CERT1: variants seen among roughly 807,000 people sequenced by gnomAD.
CERT1 encodes the protein ceramide transfer protein.
Under a neutral mutation model 87.9 loss-of-function variants are expected in CERT1, and 31 were observed. That is an observed-to-expected ratio of 0.35 (90% CI 0.27 to 0.48). The LOEUF (loss-of-function observed/expected upper bound fraction) is 0.48. CERT1 is among the 20% of genes least tolerant of loss of function. The pLI, the probability that CERT1 is intolerant of heterozygous loss-of-function variation, is 0.99. For missense variants in CERT1, 487 were observed against 758.0 expected, an observed-to-expected ratio of 0.64 and a Z score of 4.20; for synonymous variants, 289 against 250.9, an observed-to-expected ratio of 1.15 and a Z score of -1.44.
intron 11 of CERT1, among the ~76,000 whole-genome samples, chr5:75,393,760 TAG>T (rs953620986): frequency 6.6e-6 from 1 of 151,196 alleles, no homozygotes; most frequent in African/African-American, 2.4e-5. Flanking sequence ...GGTCAAGAGA[TAG>T]AGACCATCCC....
chr5:75,438,334 AT>A (rs1351565942), intron 3 of CERT1, among the ~76,000 whole-genome samples: 1 of 152,210 alleles, frequency 6.6e-6, no homozygotes, highest in Non-Finnish European at 1.5e-5. Flanking sequence ...TTCTCAAGAT[AT>A]CCACTTTGAA....
chr5:75,409,419 G>GA (rs1198899044), intron 8 of CERT1, among the ~76,000 whole-genome samples: 2 of 152,166 alleles, frequency 1.3e-5, no homozygotes, highest in African/African-American at 2.4e-5. Context: ...AAAGTAGCAA[G>GA]AAAAAATTCT....
chr5:75,424,744 G>C (rs1451579903), intron 5 of CERT1, among the ~76,000 whole-genome samples: 1 of 152,108 alleles, frequency 6.6e-6, no homozygotes, highest in Admixed American at 6.5e-5. Context: ...AAATTTATCA[G>C]ACATAATAAT....
intron 8 of CERT1, among the ~76,000 whole-genome samples, chr5:75,404,728 G>C (rs1469687761): frequency 6.6e-6 from 1 of 152,046 alleles, no homozygotes; most frequent in Non-Finnish European, 1.5e-5. Context: ...AAAAATTCTG[G>C]CCAAGTATGG....
intron 3 of CERT1, among the ~76,000 whole-genome samples, chr5:75,450,984 T>C (rs1580788951): frequency 6.6e-6 from 1 of 152,162 alleles, no homozygotes; most frequent in East Asian, 1.9e-4. Flanking sequence ...ACTTCTAATG[T>C]CTCAGATGCC....
intron 2 of CERT1, among the ~76,000 whole-genome samples, chr5:75,493,008 G>A (rs1045892568): frequency 6.6e-6 from 1 of 152,200 alleles, no homozygotes. Flanking sequence ...AGTTTATACT[G>A]ATGTTACTGC....
Position 75,379,360 on chromosome 5 carries a change from GCTTT to G in CERT1, c.1857_1860del (p.Lys620LeufsTer10). ...ACCTGTTAATACTAGAACAAAATAGGCTTTCCTGCAGTTTTTTCTTGGACGTAAG... is the reference window on the plus strand; with the variant it reads ...ACCTGTTAATACTAGAACAAAATAGGCCTGCAGTTTTTTCTTGGACGTAAG... On this transcript the variant is annotated frameshift_variant, in exon 17 of 17. Coordinates refer to ENST00000643780, the MANE Select transcript of CERT1 (RefSeq NM_001379029.1). LOFTEE classifies it high-confidence loss of function. The G allele has an allele frequency of 6.2e-7, 1 of 1,613,006 alleles. No homozygotes were observed. The highest frequency in any genetic ancestry group is 8.5e-7 in the Non-Finnish European group (1 of 1,179,246).
chr5:75,396,246 T>TACCATA (rs1762249263), intron 11 of CERT1, among the ~76,000 whole-genome samples: 2 of 152,334 alleles, frequency 1.3e-5, no homozygotes, highest in African/African-American at 4.8e-5. Flanking sequence ...GTATCTGGAC[T>TACCATA]TTTAAAATTT....
chr5:75,460,059 C>T (rs1366358784), intron 2 of CERT1, among the ~76,000 whole-genome samples: 1 of 151,696 alleles, frequency 6.6e-6, no homozygotes, highest in Admixed American at 6.6e-5. Flanking sequence ...CCACCTTGGC[C>T]TCTCATGTTG....
At chr5:75,393,321 A>T (rs1762102192) in intron 11 of CERT1, among the ~76,000 whole-genome samples, 1 of 151,950 alleles carries the variant, frequency 6.6e-6, no homozygotes, top group Non-Finnish European at 1.5e-5. Context: ...AATGGAGATA[A>T]AATACATTTG....
intron 2 of CERT1, among the ~76,000 whole-genome samples, chr5:75,481,870 T>C (rs900168729): frequency 1.3e-5 from 2 of 152,192 alleles, no homozygotes; most frequent in African/African-American, 4.8e-5. Context: ...AAGAAAATGC[T>C]AATTTTGTGG....
chr5:75,416,790 C>G, intron 7 of CERT1, 86 bp downstream of exon 7: 2 of 1,211,764 alleles, frequency 1.7e-6, no homozygotes, highest in Non-Finnish European at 2.3e-6. Context: ...AGATTCTTCC[C>G]TAAGAAGTTA....
chr5:75,451,892 T>C lies in CERT1; in HGVS notation c.348+7173A>G, dbSNP rs116381585. On this transcript the variant is annotated intron_variant, in intron 3 of 16. Coordinates refer to ENST00000643780, the MANE Select transcript of CERT1 (RefSeq NM_001379029.1). ...AGAGCATGGGGGAAATATTTCATTA[T>C]GGCAAAAGGAACAAAATTTTTAAAA... is the stretch of plus-strand genomic sequence containing the variant. 6.4e-3 allele frequency among the ~76,000 whole-genome samples: 974 copies of C among 152,332 alleles called. 9 individuals are homozygous for C. The highest frequency in any genetic ancestry group is 0.022 in the African/African-American group (922 of 41,578).
At chr5:75,478,035 G>A (rs949525824) in intron 2 of CERT1, among the ~76,000 whole-genome samples, 3 of 152,084 alleles carry the variant, frequency 2.0e-5, no homozygotes, top group African/African-American at 4.8e-5. Flanking sequence ...GGAAGAGGCC[G>A]GGCACAGTGA....
chr5:75,395,455 G>A (rs1356694075), intron 11 of CERT1, among the ~76,000 whole-genome samples: 9 of 150,258 alleles, frequency 6.0e-5, no homozygotes, highest in Admixed American at 2.0e-4. Flanking sequence ...AGAGACAGGA[G>A]GATCACTTGT....
At chr5:75,387,474 G>C (rs370884412) in intron 12 of CERT1, among the ~76,000 whole-genome samples, 9 of 151,964 alleles carry the variant, frequency 5.9e-5, no homozygotes, top group African/African-American at 1.9e-4. Flanking sequence ...AGGCGCAGTG[G>C]CTCACACCTG....
downstream of CERT1, chr5:75,373,339 T>C (rs1761153261): frequency 6.6e-6 from 1 of 152,200 alleles, no homozygotes; most frequent in Non-Finnish European, 1.5e-5. Context: ...ATCTTGACCA[T>C]TTTCCAGAAA....
At chr5:75,393,509 G>C (rs1202713644) in intron 11 of CERT1, among the ~76,000 whole-genome samples, 2 of 148,536 alleles carry the variant, frequency 1.3e-5, no homozygotes, top group Admixed American at 6.8e-5. Flanking sequence ...TGGGCATGGT[G>C]GTTCATGCCT....
At chr5:75,460,882 A>T in intron 2 of CERT1, among the ~76,000 whole-genome samples, 1 of 152,216 alleles carries the variant, frequency 6.6e-6, no homozygotes, top group Non-Finnish European at 1.5e-5. Flanking sequence ...AAATTTCCTG[A>T]ATCAGTATGT....
Sources: gnomAD v4.1 joint callset for allele counts (sites outside exome capture counted in the v4.1 genomes callset) on GRCh38, gnomAD v4.1.1 for gene constraint, MANE v1.5 for transcripts, NCBI Gene and HGNC (gene_info 2026-07-23, HGNC 2026-07-21) for gene names.